Variants in DYNC2I1 observed in about 807,000 individuals in gnomAD.
DYNC2I1 encodes the protein cytoplasmic dynein 2 intermediate chain 1.
In DYNC2I1, 89 loss-of-function variants were observed where a neutral mutation model predicts 133.4. That is an observed-to-expected ratio of 0.67 (90% CI 0.56 to 0.80). DYNC2I1 has a LOEUF of 0.80. Among genes scored for constraint, DYNC2I1 ranks in the 30% least tolerant of loss-of-function variants. The pLI, the probability that DYNC2I1 is intolerant of heterozygous loss-of-function variation, is 0.00. For missense variants in DYNC2I1, 1,291 were observed against 1,314.5 expected (o/e 0.98, Z 0.28); for synonymous variants, 504 against 484.3 (o/e 1.04, Z -0.54).
chr7:158,845,564 A>G, the DYNC2I1 span, among the ~76,000 whole-genome samples: 22 of 152,240 alleles, frequency 1.4e-4, no homozygotes, highest in African/African-American at 4.6e-4. Context: ...TTTTTGATAA[A>G]TAAGACATTT....
At chr7:158,950,108 CAG>C (rs1244067894), downstream of DYNC2I1, among the ~76,000 whole-genome samples, 4 of 151,928 alleles carry the variant, frequency 2.6e-5, no homozygotes, top group Admixed American at 1.3e-4. Context: ...ATTTTTGAGA[CAG>C]AGTCTCACTC....
At position 158,905,298 on chromosome 7, in the gene DYNC2I1, G is replaced by A. The variant is rs755250867; in HGVS notation, c.1358-691G>A. 80 of 307,272 alleles carry A rather than the reference G, an allele frequency of 2.6e-4. 1 individual carries two copies. Among genetic ancestry groups the A allele is most frequent in the Non-Finnish European group, 3.4e-4 (54 of 158,990 alleles). The allele number at this position is 307,272 out of a possible 1,614,324, so 19.0% of individuals were successfully genotyped here. On this transcript the variant is annotated intron_variant, in intron 10 of 24. Transcript: ENST00000407559. ...TGGGACTACAGGTGCTCGTCACCATGCCTGTCTAATTTTTGTATTTTTAGT... is the reference window on the plus strand; with the variant it reads ...TGGGACTACAGGTGCTCGTCACCATACCTGTCTAATTTTTGTATTTTTAGT...
In DYNC2I1 at chr7:158,932,898, T is replaced by A. The variant is rs149148090; in HGVS notation, c.2547-1231T>A. Among the ~76,000 whole-genome samples, 980 of 152,318 alleles carry A rather than the reference T, an allele frequency of 6.4e-3. 8 individuals carry two copies. Among genetic ancestry groups the A allele is most frequent in the African/African-American group, 0.023 (936 of 41,578 alleles). On this transcript the variant is annotated intron_variant, in intron 21 of 24. Transcript: ENST00000407559. ...AGGTTGGCCTCTGCCTCCACCAGCA[T>A]GTCTGGTTGGTGACTGGGCACCACT...
In DYNC2I1 at chr7:158,887,037, G is replaced by A. The variant is rs766752974; in HGVS notation, c.952G>A (p.Val318Ile). Residue 318 changes from valine to isoleucine, a missense_variant, in exon 7 of 25, where the codon GTA (valine) becomes ATA (isoleucine). Physicochemically the swap from Val to Ile is conservative, Grantham distance 29 (BLOSUM62 3). Transcript: ENST00000407559. ...GTSSQHAENL[V>I]RNHGKDKDSR... ...GCTTTCCAGGCATGCTGAGAATTTA[G>A]TAAGGAATCATGGAAAAGATAAAGA... The A allele has an allele frequency of 6.2e-7, 1 of 1,613,930 alleles. No homozygotes were observed. Among genetic ancestry groups the A allele is most frequent in the Non-Finnish European group, 8.5e-7 (1 of 1,179,848 alleles).
At chr7:158,925,021 G>A (rs1012418814) in intron 17 of DYNC2I1, among the ~76,000 whole-genome samples, 35 of 152,136 alleles carry the variant, frequency 2.3e-4, no homozygotes, top group African/African-American at 8.5e-4. Flanking sequence ...CTCCCAAAGC[G>A]CTGGGATTAC....
At chr7:158,946,982 G>A (rs1585272007), downstream of DYNC2I1, among the ~76,000 whole-genome samples, 1 of 152,198 alleles carries the variant, frequency 6.6e-6, no homozygotes, top group Non-Finnish European at 1.5e-5. Context: ...TGCACGTCTC[G>A]CGTGGGCCTC....
the DYNC2I1 span, among the ~76,000 whole-genome samples, chr7:158,851,418 C>A: frequency 1.9e-5 from 2 of 103,168 alleles, no homozygotes; most frequent in South Asian, 3.2e-4. Flanking sequence ...TGCCTGTAAT[C>A]CCAGCAAGAA....
chr7:158,913,239 AT>A, intron 13 of DYNC2I1, 143 bp downstream of exon 13: 1 of 596,990 alleles, frequency 1.7e-6, no homozygotes, highest in Non-Finnish European at 2.8e-6. Context: ...GCAGTACCCA[AT>A]TTTCTTTTAA....
chr7:158,862,746 C>G (rs947866769), intron 1 of DYNC2I1, among the ~76,000 whole-genome samples: 2 of 151,854 alleles, frequency 1.3e-5, no homozygotes, highest in Non-Finnish European at 2.9e-5. Flanking sequence ...AGCCACAGAC[C>G]CTCGCGGCGA....
chr7:158,861,508 C>A (rs1055400499), intron 1 of DYNC2I1, among the ~76,000 whole-genome samples: 3 of 152,178 alleles, frequency 2.0e-5, no homozygotes, highest in African/African-American at 7.2e-5. Context: ...TCTGGCATCC[C>A]CCTCCCCACA....
chr7:158,874,518 T>C (rs945235054), intron 3 of DYNC2I1, among the ~76,000 whole-genome samples: 2 of 152,250 alleles, frequency 1.3e-5, no homozygotes, highest in Non-Finnish European at 2.9e-5. Context: ...ATTTTTTCAG[T>C]GTGGTGTTGA....
chr7:158,923,723 G>C lies in DYNC2I1; in HGVS notation c.2247G>C (p.Thr749=), dbSNP rs779502233. The C allele has an allele frequency of 3.1e-6, 5 of 1,610,220 alleles. No individual in the cohort carries two copies. Among genetic ancestry groups the C allele is most frequent in the Non-Finnish European group, 4.2e-6 (5 of 1,177,212 alleles). The stretch of plus-strand genomic sequence containing the variant: ...GCTTCTGGACGTTCCGGACCGCCAC[G>C]TTTTCCACCGGTCAGTGTCATCTGC... ...SDGFWTFRTA[T]FSTDGILTSV... is the part of the protein sequence containing the mutation. The change falls in exon 17 of 25, where the codon ACG becomes ACC. Residue 749 remains threonine (T), a synonymous_variant. Coordinates refer to ENST00000407559, the MANE Select transcript of DYNC2I1 (RefSeq NM_018051.5).
chr7:158,927,050 A>C lies in DYNC2I1; in HGVS notation c.2485+7A>C. On this transcript the variant is annotated splice_region_variant and intron_variant, in intron 20 of 24. Coordinates refer to ENST00000407559, the MANE Select transcript of DYNC2I1 (RefSeq NM_018051.5). ...GGTTCAATAAGTGATTTAGGTAACT[A>C]TTAAGTAAAAAAATTAATTTTAGTG... 1 of 1,577,766 alleles carries C rather than the reference A, an allele frequency of 6.3e-7. No individual in the cohort carries two copies. The highest frequency in any genetic ancestry group is 8.6e-7 in the Non-Finnish European group (1 of 1,159,018).
chr7:158,862,240 A>G (rs1413205469), intron 1 of DYNC2I1, among the ~76,000 whole-genome samples: 1 of 152,364 alleles, frequency 6.6e-6, no homozygotes, highest in South Asian at 2.1e-4. Context: ...AGCCTGGGAA[A>G]CACTGGGAGG....
At chr7:158,914,104 A>C in intron 13 of DYNC2I1, 129 bp from the exon 14 acceptor site, 2 of 658,970 alleles carry the variant, frequency 3.0e-6, no homozygotes, top group Non-Finnish European at 5.1e-6. Context: ...GTATAGCTTG[A>C]AGTTTTCTGT....
intron 1 of DYNC2I1, among the ~76,000 whole-genome samples, chr7:158,866,190 C>T (rs1332074351): frequency 2.6e-5 from 4 of 152,050 alleles, no homozygotes; most frequent in Non-Finnish European, 5.9e-5. Flanking sequence ...CCCAGTGTCC[C>T]CTGAATGTCC....
upstream of DYNC2I1, among the ~76,000 whole-genome samples, chr7:158,855,832 T>C (rs190781682): frequency 1.2e-3 from 183 of 152,274 alleles, no homozygotes; most frequent in African/African-American, 3.9e-3. Flanking sequence ...AAAAACAGTC[T>C]CTCAACGTTG....
chr7:158,885,203 G>A (rs2129480161), intron 6 of DYNC2I1, among the ~76,000 whole-genome samples: 1 of 152,280 alleles, frequency 6.6e-6, no homozygotes, highest in East Asian at 1.9e-4. Context: ...GACCCCCAGA[G>A]CTGGGGGTGG....
intron 3 of DYNC2I1, among the ~76,000 whole-genome samples, chr7:158,874,770 A>C (rs1268358192): frequency 6.6e-6 from 1 of 152,114 alleles, no homozygotes; most frequent in African/African-American, 2.4e-5. Flanking sequence ...TTTTACCCCC[A>C]GCTGGGCATC....
Sources: gnomAD v4.1 joint callset for allele counts (sites outside exome capture counted in the v4.1 genomes callset) on GRCh38, gnomAD v4.1.1 for gene constraint, MANE v1.5 for transcripts, NCBI Gene and HGNC (gene_info 2026-07-23, HGNC 2026-07-21) for gene names.